Variants in MSRA observed in about 807,000 individuals in gnomAD.
MSRA encodes the protein mitochondrial peptide methionine sulfoxide reductase.
Under a neutral mutation model 31.3 loss-of-function variants are expected in MSRA, and 54 were observed. The ratio of observed to expected loss-of-function variants is 1.73; its 90% CI spans 1.39 to 2.17. The LOEUF is 2.17. MSRA is among the 30% of genes most tolerant of loss of function. MSRA has a pLI of 0.00. For missense variants in MSRA, 507 were observed against 300.9 expected, an observed-to-expected ratio of 1.69 and a Z score of -5.07; for synonymous variants, 169 against 116.5, an observed-to-expected ratio of 1.45 and a Z score of -2.90.
rs140274677 is a variant in MSRA, at chr8:10,393,997, G to T, written c.544-34151G>T. ...TGTTGTAAGCTTTCTGCAATCTGTG[G>T]CCAATTAGAGGGCAGATGGAAGAGA... On this transcript the variant is annotated intron_variant, in intron 5 of 5. Transcript: ENST00000317173. Among the ~76,000 whole-genome samples the T allele has an allele frequency of 2.1e-3, 313 of 152,298 alleles. 3 individuals carry two copies. The highest frequency in any genetic ancestry group is 7.3e-3 in the African/African-American group (303 of 41,560).
intron 3 of MSRA, among the ~76,000 whole-genome samples, chr8:10,299,326 G>T (rs1287868041): frequency 2.0e-5 from 3 of 152,014 alleles, no homozygotes; most frequent in Non-Finnish European, 4.4e-5. Context: ...AATATTCAGA[G>T]ATTTTTAATG....
chr8:10,313,992 T>C (rs1177370264), intron 4 of MSRA, among the ~76,000 whole-genome samples: 1 of 152,204 alleles, frequency 6.6e-6, no homozygotes, highest in Non-Finnish European at 1.5e-5. Context: ...CCTCACACCA[T>C]ACACAAAAAT....
At chr8:10,405,031 A>G (rs1368356906) in intron 5 of MSRA, among the ~76,000 whole-genome samples, 5 of 152,022 alleles carry the variant, frequency 3.3e-5, no homozygotes, top group African/African-American at 4.8e-5. Context: ...GCTCCCTCTC[A>G]TCTGTTTCCC....
intron 1 of MSRA, among the ~76,000 whole-genome samples, chr8:10,203,295 A>G (rs1808661907): frequency 1.3e-5 from 2 of 152,170 alleles, no homozygotes; most frequent in African/African-American, 4.8e-5. Context: ...AAGGAGTGGA[A>G]TAGAGGAGTT....
chr8:10,309,006 C>G (rs1172353993), intron 4 of MSRA, among the ~76,000 whole-genome samples: 1 of 152,210 alleles, frequency 6.6e-6, no homozygotes, highest in African/African-American at 2.4e-5. Flanking sequence ...AGAGCAAGAA[C>G]TATGTGACTG....
intron 3 of MSRA, among the ~76,000 whole-genome samples, chr8:10,255,947 C>T (rs769588780): frequency 2.0e-5 from 3 of 152,122 alleles, no homozygotes; most frequent in Non-Finnish European, 4.4e-5. Flanking sequence ...ATCAACATCC[C>T]CACCTGAGTG....
chr8:10,196,138 CGATGT>C (rs1374331586), intron 1 of MSRA, among the ~76,000 whole-genome samples: 4 of 152,310 alleles, frequency 2.6e-5, no homozygotes, highest in African/African-American at 4.8e-5. Context: ...TCCAGGCATA[CGATGT>C]GCCTTCAAGG....
chr8:10,273,230 G>C (rs921622284), intron 3 of MSRA, among the ~76,000 whole-genome samples: 1 of 152,038 alleles, frequency 6.6e-6, no homozygotes, highest in Non-Finnish European at 1.5e-5. Context: ...AATAAAAATG[G>C]TATTCTTCCA....
chr8:10,382,055 G>A (rs78430969), intron 5 of MSRA, among the ~76,000 whole-genome samples: 2,393 of 152,360 alleles, frequency 0.016, 31 homozygotes, highest in Non-Finnish European at 0.023. Flanking sequence ...GCCCAGTACA[G>A]GTGAGGAAAC....
rs1180199260 is a variant in MSRA at position 10,219,872 on chromosome 8, TTTTG to T, written c.211+11983_211+11986del. Among the ~76,000 whole-genome samples, 276 of 151,494 alleles carry T rather than the reference TTTTG, an allele frequency of 1.8e-3. 2 individuals carry two copies. The highest frequency in any genetic ancestry group is 6.0e-3 in the African/African-American group (249 of 41,348). On this transcript the variant is annotated intron_variant, in intron 2 of 5. Transcript: ENST00000317173. ...TACAATGTACACCTTTTTGGTTTTTTTTTGTTTGTTTGTTTTTTGTTTTCCCCTG... is the reference window on the plus strand; with the variant it reads ...TACAATGTACACCTTTTTGGTTTTTTTTTGTTTGTTTTTTGTTTTCCCCTG...
chr8:10,177,366 G>C (rs1182758824), intron 1 of MSRA, among the ~76,000 whole-genome samples: 1 of 152,204 alleles, frequency 6.6e-6, no homozygotes, highest in Non-Finnish European at 1.5e-5. Context: ...TAAAGAATAT[G>C]ATTATTTGAA....
chr8:10,144,598 C>T (rs758594321), intron 1 of MSRA, among the ~76,000 whole-genome samples: 4 of 151,794 alleles, frequency 2.6e-5, no homozygotes, highest in Non-Finnish European at 4.4e-5. Context: ...GCGCTTCCCC[C>T]CCTCCTCCCC....
At chr8:10,262,763 C>T (rs1472271097) in intron 3 of MSRA, among the ~76,000 whole-genome samples, 1 of 152,190 alleles carries the variant, frequency 6.6e-6, no homozygotes. Flanking sequence ...AATTGCAGGC[C>T]TCCACAGCCA....
intron 2 of MSRA, among the ~76,000 whole-genome samples, chr8:10,239,878 G>A (rs557099537): frequency 2.0e-5 from 3 of 146,346 alleles, no homozygotes; most frequent in Non-Finnish European, 3.0e-5. Context: ...GTTTGATTCA[G>A]TGTCCTGGAG....
At chr8:10,074,847 C>CGG (rs764314279) in intron 1 of MSRA, among the ~76,000 whole-genome samples, 1 of 151,876 alleles carries the variant, frequency 6.6e-6, no homozygotes, top group Non-Finnish European at 1.5e-5. Context: ...TACCCAGAGA[C>CGG]GGGGGTTCAC....
intron 3 of MSRA, among the ~76,000 whole-genome samples, chr8:10,299,614 G>A (rs563383111): frequency 1.3e-5 from 2 of 151,488 alleles, no homozygotes; most frequent in South Asian, 4.2e-4. Flanking sequence ...TTAGAGCAAA[G>A]AAGAAATTAA....
intron 1 of MSRA, among the ~76,000 whole-genome samples, chr8:10,164,502 A>G (rs563488838): frequency 6.6e-6 from 1 of 152,128 alleles, no homozygotes; most frequent in Non-Finnish European, 1.5e-5. Context: ...CTTCCTCTCT[A>G]GGACTCCTGA....
At chr8:10,217,113 T>C (rs1460042859) in intron 2 of MSRA, among the ~76,000 whole-genome samples, 1 of 152,214 alleles carries the variant, frequency 6.6e-6, no homozygotes, top group African/African-American at 2.4e-5. Context: ...GGGTGTGAAA[T>C]GGCGATGGAT....
intron 3 of MSRA, among the ~76,000 whole-genome samples, chr8:10,252,229 CTTCTCAGATCACAGTG>C (rs1220701620): frequency 6.6e-6 from 1 of 152,196 alleles, no homozygotes; most frequent in Non-Finnish European, 1.5e-5. Flanking sequence ...ATGTGCTTGT[CTTCTCAGATCACAGTG>C]TGACTAGAAC....
Sources: allele counts gnomAD v4.1 joint callset (sites outside exome capture counted in the v4.1 genomes callset), GRCh38; gene constraint gnomAD v4.1.1; transcripts MANE v1.5; gene names NCBI Gene and HGNC (gene_info 2026-07-23, HGNC 2026-07-21).